C19orf12: variants seen among roughly 807,000 people sequenced by gnomAD.
C19orf12 encodes the protein chromosome 19 open reading frame 12.
In C19orf12, 2 loss-of-function variants were observed where a neutral mutation model predicts 3.8. The observed-to-expected ratio is 0.53, with a 90% CI of 0.22 to 1.66. The LOEUF is 1.66. Ranked by LOEUF, C19orf12 falls within the 40% of genes most tolerant of loss-of-function variation. The pLI, the probability that C19orf12 is intolerant of heterozygous loss-of-function variation, is 0.20. For missense variants in C19orf12, 156 were observed against 188.8 expected, an observed-to-expected ratio of 0.83 and a Z score of 1.02; for synonymous variants, 89 against 84.6, an observed-to-expected ratio of 1.05 and a Z score of -0.28.
rs1445967505 is a variant in C19orf12 at position 29,715,173 on chromosome 19, G to A, written c.-59C>T. The A allele has an allele frequency of 5.5e-6, 3 of 543,538 alleles. No homozygotes were observed. Among genetic ancestry groups the A allele is most frequent in the African/African-American group, 2.1e-5 (1 of 48,692 alleles). The allele number at this position is 543,538 out of a possible 1,614,324, so 33.7% of individuals were successfully genotyped here. A position where few individuals can be genotyped will look rare whatever the true frequency, so the allele number is the denominator to read the frequency against. ...GCGCGCTCGGCGATCAGACGCGGCTGCAGCCCGGGCCTGGCAGGCCCCGGG... is the reference window on the plus strand; with the variant it reads ...GCGCGCTCGGCGATCAGACGCGGCTACAGCCCGGGCCTGGCAGGCCCCGGG... On this transcript the variant is annotated 5_prime_UTR_variant, in exon 1 of 3. Transcript: ENST00000323670.
At chr19:29,715,018 T>TCTCC (rs1158595892) in intron 1 of C19orf12, 107 bp downstream of exon 1, 3 of 702,232 alleles carry the variant, frequency 4.3e-6, no homozygotes, top group Non-Finnish European at 7.9e-6. Flanking sequence ...GCGGGGACCC[T>TCTCC]CTCCCCAAGG....
intron 1 of C19orf12, among the ~76,000 whole-genome samples, chr19:29,711,036 G>GT (rs781530564): frequency 0.043 from 4,173 of 98,114 alleles, 442 homozygotes; most frequent in East Asian, 0.33. Context: ...ATACAGAGAG[G>GT]TTTTTTTTTT....
At chr19:29,712,778 C>T (rs1972750493) in intron 1 of C19orf12, among the ~76,000 whole-genome samples, 1 of 152,186 alleles carries the variant, frequency 6.6e-6, no homozygotes, top group Admixed American at 6.5e-5. Context: ...CTCTAACCTA[C>T]CCTCTGGAGT....
intron 1 of C19orf12, among the ~76,000 whole-genome samples, chr19:29,711,777 C>G (rs574149081): frequency 5.9e-5 from 9 of 151,902 alleles, no homozygotes; most frequent in Admixed American, 6.6e-5. Flanking sequence ...CTTCCCCCCC[C>G]AAAAAAAACC....
chr19:29,703,395 TTTTG>T (rs1972220081), intron 2 of C19orf12, among the ~76,000 whole-genome samples: 1 of 149,368 alleles, frequency 6.7e-6, no homozygotes. Context: ...TTTTTTTTTT[TTTTG>T]AGACGGAGTC....
rs1436750710 is a variant in C19orf12, at chr19:29,700,651, T to C, written c.*2061A>G. ...GTGGCATATAAATGATTAAAGTGGC[T>C]TCATTAACTCCAGGAGTGTGGCCTG... On this transcript the variant is annotated 3_prime_UTR_variant, in exon 3 of 3. Coordinates refer to ENST00000323670, the MANE Select transcript of C19orf12 (RefSeq NM_031448.6). The C allele has an allele frequency of 1.8e-5, 8 of 453,966 alleles. No individual in the cohort carries two copies. Among genetic ancestry groups the C allele is most frequent in the Admixed American group, 1.6e-4 (7 of 42,552 alleles). The allele number at this position is 453,966 out of a possible 1,614,324, so 28.1% of individuals were successfully genotyped here. A position where few individuals can be genotyped will look rare whatever the true frequency, so the allele number is the denominator to read the frequency against.
chr19:29,701,436 T>C lies in C19orf12; in HGVS notation c.*1276A>G. ...ATACAATATAAATGCTATGTAAATA[T>C]GCTACACCATATTGTTTAGGGAATA... On this transcript the variant is annotated 3_prime_UTR_variant, in exon 3 of 3. Transcript: ENST00000323670. 2.2e-6 allele frequency: 1 copy of C among 454,134 alleles called. No homozygotes were observed. The highest frequency in any genetic ancestry group is 1.6e-5 in the South Asian group (1 of 64,478). The allele number at this position is 454,134 out of a possible 1,614,324, so 28.1% of individuals were successfully genotyped here. A position where few individuals can be genotyped will look rare whatever the true frequency, so the allele number is the denominator to read the frequency against.
At chr19:29,705,391 G>T (rs1327188408) in intron 2 of C19orf12, 1 of 256,034 alleles carries the variant, frequency 3.9e-6, no homozygotes, top group African/African-American at 2.9e-5. Flanking sequence ...TCTTAGACTG[G>T]ATCCTGAAAC....
chr19:29,715,006 G>A (rs1384781737), intron 1 of C19orf12, 119 bp downstream of exon 1: 4 of 710,862 alleles, frequency 5.6e-6, no homozygotes, highest in Non-Finnish European at 1.0e-5. Flanking sequence ...GCTCCCGGCA[G>A]GGCGGGGACC....
At chr19:29,715,323 C>G (rs1490705806), upstream of C19orf12, 1 of 391,358 alleles carries the variant, frequency 2.6e-6, no homozygotes. Context: ...ACGCGCCGGG[C>G]CAGCTCCTGG....
chr19:29,706,853 C>T (rs1053995901), intron 2 of C19orf12, among the ~76,000 whole-genome samples: 7 of 152,208 alleles, frequency 4.6e-5, no homozygotes, highest in African/African-American at 1.2e-4. Flanking sequence ...AGCTGGGGAA[C>T]GGAAGCCAAC....
At chr19:29,709,535 T>C (rs1041257433) in intron 1 of C19orf12, among the ~76,000 whole-genome samples, 4 of 149,416 alleles carry the variant, frequency 2.7e-5, no homozygotes, top group African/African-American at 1.0e-4. Flanking sequence ...TTATCTTTTT[T>C]TTTTTTTTTT....
In C19orf12 at chr19:29,699,871, TA is replaced by T. The variant is rs1163058412; in HGVS notation, c.*2840del. 2 of 453,866 alleles carry T rather than the reference TA, an allele frequency of 4.4e-6. No homozygotes were observed. The highest frequency in any genetic ancestry group is 4.7e-5 in the Admixed American group (2 of 42,498). The allele number at this position is 453,866 out of a possible 1,614,324, so 28.1% of individuals were successfully genotyped here. A position where few individuals can be genotyped will look rare whatever the true frequency, so the allele number is the denominator to read the frequency against. On this transcript the variant is annotated 3_prime_UTR_variant, in exon 3 of 3. Transcript: ENST00000323670. The stretch of plus-strand genomic sequence containing the variant: ...AAAGAAGATACAGATATATAAATAC[TA>T]AAACCACAGGAGCTGAGAAGCAGCG...
rs1452258086 is a variant in C19orf12 at position 29,701,191 on chromosome 19, T to C, written c.*1521A>G. 1.1e-5 allele frequency: 5 copies of C among 453,990 alleles called. No individual in the cohort carries two copies. The highest frequency in any genetic ancestry group is 2.2e-5 in the Non-Finnish European group (5 of 226,798). 28.1% of individuals were successfully genotyped at this position (453,990 alleles called of 1,614,324 possible). A position where few individuals can be genotyped will look rare whatever the true frequency, so the allele number is the denominator to read the frequency against. On this transcript the variant is annotated 3_prime_UTR_variant, in exon 3 of 3. Coordinates refer to ENST00000323670, the MANE Select transcript of C19orf12 (RefSeq NM_031448.6). ...TTAGAAAAACATTTATTGTAATCGA[T>C]CACATTCAAGTCGTAGTTCTGAAAG...
At chr19:29,715,408 C>T (rs1477233229), upstream of C19orf12, 3 of 413,224 alleles carry the variant, frequency 7.3e-6, no homozygotes, top group Non-Finnish European at 1.5e-5. Flanking sequence ...TGGCCCACCC[C>T]GCCGCTGTCA....
intron 1 of C19orf12, among the ~76,000 whole-genome samples, chr19:29,710,250 T>C (rs547564094): frequency 6.6e-6 from 1 of 152,226 alleles, no homozygotes; most frequent in Non-Finnish European, 1.5e-5. Flanking sequence ...TGGGATATAA[T>C]TTTGAGCCCA....
intron 1 of C19orf12, among the ~76,000 whole-genome samples, chr19:29,712,510 C>G (rs180906075): frequency 2.0e-5 from 3 of 152,302 alleles, no homozygotes; most frequent in East Asian, 3.9e-4. Context: ...TCTTCCCCCC[C>G]ACCACCCAAC....
Position 29,702,855 on chromosome 19 carries a change from T to C in C19orf12, c.283A>G (p.Ile95Val). 1 of 1,614,126 alleles carries C rather than the reference T, an allele frequency of 6.2e-7. No homozygotes were observed. Among genetic ancestry groups the C allele is most frequent in the South Asian group, 1.1e-5 (1 of 91,086 alleles). ...TCCGTCCACTCCAGGTGCCTGATGA[T>C]GGCTGCGGCTTCGTTAAAGAGCCTC... ...QQRLFNEAAA[I>V]IRHLEWTDAV... Residue 95 changes from isoleucine to valine, a missense_variant, in exon 3 of 3, where the codon ATC becomes GTC. Coordinates refer to ENST00000323670, the MANE Select transcript of C19orf12 (RefSeq NM_031448.6).
At chr19:29,709,688 G>A (rs568480413) in intron 1 of C19orf12, among the ~76,000 whole-genome samples, 7 of 151,372 alleles carry the variant, frequency 4.6e-5, no homozygotes, top group African/African-American at 1.5e-4. Flanking sequence ...CAATCACCAC[G>A]CCCAGCTAAT....
Sources: allele counts gnomAD v4.1 joint callset (sites outside exome capture counted in the v4.1 genomes callset), GRCh38; gene constraint gnomAD v4.1.1; transcripts MANE v1.5; gene names NCBI Gene and HGNC (gene_info 2026-07-23, HGNC 2026-07-21).